CCDC60: variants seen among roughly 807,000 people sequenced by gnomAD.
CCDC60 encodes the protein coiled-coil domain-containing protein 60.
In CCDC60, 54 loss-of-function variants were observed where a neutral mutation model predicts 63.5. That is an observed-to-expected ratio of 0.85 (90% CI 0.68 to 1.07). The LOEUF (loss-of-function observed/expected upper bound fraction) is 1.07, where lower values mean the gene tolerates loss of function less well. Ranked by LOEUF, CCDC60 falls within the 50% of genes least tolerant of loss-of-function variation. The probability of loss-of-function intolerance (pLI) is 0.00; values close to 1 mark genes in which losing one functional copy is unlikely to be tolerated. For missense variants in CCDC60, 651 were observed against 684.3 expected, an observed-to-expected ratio of 0.95 and a Z score of 0.54; for synonymous variants, 206 against 238.8, an observed-to-expected ratio of 0.86 and a Z score of 1.27.
chr12:119,377,089 T>C (rs1315169901), intron 1 of CCDC60, among the ~76,000 whole-genome samples: 1 of 151,618 alleles, frequency 6.6e-6, no homozygotes, highest in East Asian at 1.9e-4. Context: ...ATCCCATCTC[T>C]ACTAAAAATA....
chr12:119,528,586 TTCTC>T (rs751707973), intron 11 of CCDC60, 25 bp from the exon 12 acceptor site: 4 of 1,599,556 alleles, frequency 2.5e-6, no homozygotes, highest in South Asian at 1.1e-5. Context: ...GATCTCATTC[TTCTC>T]TCTCTTTCTC....
intron 1 of CCDC60, among the ~76,000 whole-genome samples, chr12:119,397,270 G>A (rs575473619): frequency 1.3e-5 from 2 of 152,310 alleles, no homozygotes; most frequent in South Asian, 4.1e-4. Context: ...AAAGGGACCT[G>A]AGCCGGTTGC....
At chr12:119,516,740 C>T (rs1471486277) in intron 8 of CCDC60, 33 bp downstream of exon 8, 1 of 1,448,956 alleles carries the variant, frequency 6.9e-7, no homozygotes, top group Non-Finnish European at 9.7e-7. Context: ...GCAAATAAAG[C>T]TTAGAATAAT....
intron 2 of CCDC60, among the ~76,000 whole-genome samples, chr12:119,431,707 C>T (rs960508372): frequency 6.6e-5 from 10 of 152,142 alleles, no homozygotes; most frequent in Non-Finnish European, 1.5e-4. Flanking sequence ...GAGACAGAGT[C>T]TCGCTCTGTT....
chr12:119,393,925 C>A (rs1260136568), intron 1 of CCDC60, among the ~76,000 whole-genome samples: 3 of 152,194 alleles, frequency 2.0e-5, no homozygotes, highest in Non-Finnish European at 4.4e-5. Flanking sequence ...CACGTACACA[C>A]GCCATGTTTG....
chr12:119,454,139 G>A (rs1324322227), intron 2 of CCDC60, among the ~76,000 whole-genome samples: 3 of 152,098 alleles, frequency 2.0e-5, no homozygotes, highest in Admixed American at 2.0e-4. Flanking sequence ...GTTAAACCTA[G>A]AACAGACCAT....
At chr12:119,507,139 G>A (rs149476215) in intron 7 of CCDC60, among the ~76,000 whole-genome samples, 85 of 152,020 alleles carry the variant, frequency 5.6e-4, no homozygotes, top group Non-Finnish European at 8.7e-4. Context: ...ATTGTGTGTC[G>A]CATAGATTCA....
intron 4 of CCDC60, among the ~76,000 whole-genome samples, chr12:119,482,009 A>ATATATGTATATATATATGTATATATAG (rs1951332411): frequency 4.9e-5 from 2 of 40,634 alleles, no homozygotes; most frequent in African/African-American, 5.9e-5. Flanking sequence ...TATATATAGT[A>ATATATGTATATATATATGTATATATAG]TATATATATG....
At chr12:119,495,476 G>A (rs1951698207) in intron 5 of CCDC60, among the ~76,000 whole-genome samples, 2 of 152,112 alleles carry the variant, frequency 1.3e-5, no homozygotes, top group Admixed American at 6.5e-5. Flanking sequence ...TAGTATATAA[G>A]GAGCATCTCT....
At chr12:119,345,503 A>AAAATAAATAAAT (rs71072508) in intron 1 of CCDC60, among the ~76,000 whole-genome samples, 121 of 150,492 alleles carry the variant, frequency 8.0e-4, no homozygotes, top group Admixed American at 2.7e-3. Flanking sequence ...CTCCATCTCA[A>AAAATAAATAAAT]AAATAAATAA....
At chr12:119,448,364 C>T (rs1040428166) in intron 2 of CCDC60, among the ~76,000 whole-genome samples, 4 of 152,290 alleles carry the variant, frequency 2.6e-5, no homozygotes, top group African/African-American at 9.6e-5. Context: ...GGCATTGCCA[C>T]CTTCTCATAG....
intron 5 of CCDC60, among the ~76,000 whole-genome samples, chr12:119,490,187 G>A (rs477467): frequency 0.52 from 78,898 of 151,994 alleles, 21,512 homozygotes; most frequent in East Asian, 0.84. Context: ...TCTTACACCA[G>A]GACCCAGAGA....
At chr12:119,494,561 A>G (rs1477752108) in intron 5 of CCDC60, among the ~76,000 whole-genome samples, 1 of 152,172 alleles carries the variant, frequency 6.6e-6, no homozygotes, top group African/African-American at 2.4e-5. Context: ...GACTCTTGTA[A>G]TCCTTACTCT....
chr12:119,390,208 G>C (rs1956132286), intron 1 of CCDC60, among the ~76,000 whole-genome samples: 1 of 152,076 alleles, frequency 6.6e-6, no homozygotes, highest in African/African-American at 2.4e-5. Context: ...CTGCCGCCCA[G>C]AACATTCCCT....
chr12:119,530,928 C>CA lies in CCDC60; in HGVS notation c.1421dup (p.Ile475AspfsTer37). On this transcript the variant is annotated frameshift_variant, in exon 13 of 14. Coordinates refer to ENST00000327554, the MANE Select transcript of CCDC60 (RefSeq NM_178499.5). LOFTEE classifies it high-confidence loss of function. ...AGGATCTAAAGAACTTCCGCCCCGCCAAAAAGATCCTGGTGAAACTGCAGA... is the reference window on the plus strand; with the variant it reads ...AGGATCTAAAGAACTTCCGCCCCGCCAAAAAAGATCCTGGTGAAACTGCAGA... 1 of 1,614,102 alleles carries CA rather than the reference C, an allele frequency of 6.2e-7. No individual in the cohort carries two copies. The highest frequency in any genetic ancestry group is 1.7e-5 in the Admixed American group (1 of 60,022).
chr12:119,503,554 G>A (rs371649031), intron 6 of CCDC60, among the ~76,000 whole-genome samples: 6 of 152,234 alleles, frequency 3.9e-5, no homozygotes, highest in Admixed American at 6.5e-5. Flanking sequence ...GCATTCTGTC[G>A]TTTGTACAGA....
intron 2 of CCDC60, among the ~76,000 whole-genome samples, chr12:119,458,416 T>A (rs563612511): frequency 1.3e-5 from 2 of 152,354 alleles, no homozygotes; most frequent in Non-Finnish European, 2.9e-5. Context: ...ATAATACCAT[T>A]AAAAGTTTAT....
intron 2 of CCDC60, among the ~76,000 whole-genome samples, chr12:119,452,003 T>C (rs547836844): frequency 6.6e-6 from 1 of 152,190 alleles, no homozygotes; most frequent in Admixed American, 6.5e-5. Context: ...TAGCATTAGG[T>C]CCCCACAATG....
chr12:119,398,462 C>T (rs1014118140), intron 1 of CCDC60, among the ~76,000 whole-genome samples: 3 of 152,188 alleles, frequency 2.0e-5, no homozygotes, highest in Admixed American at 6.5e-5. Context: ...GCTCCAGCCT[C>T]GGCCAGCCCT....
Sources: allele counts gnomAD v4.1 joint callset (sites outside exome capture counted in the v4.1 genomes callset), GRCh38; gene constraint gnomAD v4.1.1; transcripts MANE v1.5; gene names NCBI Gene and HGNC (gene_info 2026-07-23, HGNC 2026-07-21).